Variants in APOBEC3D observed in about 807,000 individuals in gnomAD.
APOBEC3D encodes the protein DNA dC->dU-editing enzyme APOBEC-3D.
Under a neutral mutation model 45.6 loss-of-function variants are expected in APOBEC3D, and 37 were observed. The observed-to-expected ratio is 0.81, with a 90% CI of 0.62 to 1.07. APOBEC3D has a LOEUF of 1.07. APOBEC3D is among the 50% of genes least tolerant of loss of function. The pLI is 0.00. For missense variants in APOBEC3D, 496 were observed against 495.3 expected (o/e 1.00, Z -0.01); for synonymous variants, 175 against 180.7 (o/e 0.97, Z 0.25).
chr22:39,021,651 T>C (rs1925122676), intron 1 of APOBEC3D, 115 bp downstream of exon 1: 1 of 1,455,700 alleles, frequency 6.9e-7, no homozygotes, highest in Admixed American at 1.8e-5. Flanking sequence ...CTTCCTTCCC[T>C]CTGGCTTCCC....
chr22:39,025,228 C>T lies in APOBEC3D; in HGVS notation c.369C>T (p.His123=), dbSNP rs770471691. 9.9e-6 allele frequency: 16 copies of T among 1,614,070 alleles called. No individual in the cohort carries two copies. The highest frequency in any genetic ancestry group is 2.7e-5 in the African/African-American group (2 of 75,004). The change falls in exon 3 of 7, where the codon CAC becomes CAT. Residue 123 remains histidine (H), a synonymous_variant. Transcript: ENST00000216099. ...AGGTGACCAAATTCTTGGCTGAGCA[C>T]CCCAATGTCACCCTGACCATCTCTG... is the stretch of plus-strand genomic sequence containing the variant. ...VVKVTKFLAE[H]PNVTLTISAA...
At chr22:39,025,819 T>G in intron 4 of APOBEC3D, 148 bp downstream of exon 4, 1 of 1,483,016 alleles carries the variant, frequency 6.7e-7, no homozygotes, top group East Asian at 2.3e-5. Context: ...CTCCTCATGC[T>G]CCCTCCACCT....
At chr22:39,029,151 C>A (rs1925961651) in intron 4 of APOBEC3D, among the ~76,000 whole-genome samples, 1 of 152,110 alleles carries the variant, frequency 6.6e-6, no homozygotes, top group South Asian at 2.1e-4. Flanking sequence ...GCTGGGGTTC[C>A]AGCTAGGAGA....
At chr22:39,025,932 C>T (rs1925616861) in intron 4 of APOBEC3D, among the ~76,000 whole-genome samples, 1 of 152,198 alleles carries the variant, frequency 6.6e-6, no homozygotes, top group African/African-American at 2.4e-5. Flanking sequence ...TCCCCACAGC[C>T]TGGGAGCCCC....
chr22:39,026,338 G>A (rs1252217151), intron 4 of APOBEC3D, among the ~76,000 whole-genome samples: 1 of 152,154 alleles, frequency 6.6e-6, no homozygotes, highest in Non-Finnish European at 1.5e-5. Context: ...TGTCCTCCTT[G>A]TTTATGGACC....
intron 2 of APOBEC3D, among the ~76,000 whole-genome samples, chr22:39,023,445 C>CT (rs1324962669): frequency 7.7e-6 from 1 of 130,532 alleles, no homozygotes; most frequent in African/African-American, 2.6e-5. Context: ...TCTTTTCTTT[C>CT]TTTCTTTTTT....
At chr22:39,023,048 A>G (rs1925276125) in intron 2 of APOBEC3D, 34 bp downstream of exon 2, 9 of 1,497,944 alleles carry the variant, frequency 6.0e-6, no homozygotes, top group African/African-American at 1.4e-5. Flanking sequence ...ACACATAAGT[A>G]AAATGTCTGG....
At position 39,033,272 on chromosome 22, in the gene APOBEC3D, A is replaced by T. The variant is rs951371184; in HGVS notation, c.*956A>T. The T allele has an allele frequency of 2.0e-6, 2 of 977,990 alleles. No individual in the cohort carries two copies. The highest frequency in any genetic ancestry group is 3.5e-5 in the African/African-American group (2 of 57,104). 60.6% of individuals were successfully genotyped at this position (977,990 alleles called of 1,614,324 possible). ...ATGGATATGAATATATGTAAGTTGA[A>T]AACCAGTTTTGAGAAACATCCTTTG... is the stretch of plus-strand genomic sequence containing the variant. On this transcript the variant is annotated 3_prime_UTR_variant, in exon 7 of 7. Coordinates refer to ENST00000216099, the MANE Select transcript of APOBEC3D (RefSeq NM_152426.4).
At position 39,031,939 on chromosome 22, in the gene APOBEC3D, G is replaced by C; in HGVS notation, c.1008G>C (p.Gln336His). ...DYQEGLCSLS[Q>H]EGASVKIMGY... ...AGGAGGGGCTCTGCAGCCTGAGTCA[G>C]GAAGGGGCCTCCGTGAAGATCATGG... Residue 336 changes from glutamine (Q) to histidine (H), a missense_variant, in exon 6 of 7, where the codon CAG (glutamine) becomes CAC (histidine). Coordinates refer to ENST00000216099, the MANE Select transcript of APOBEC3D (RefSeq NM_152426.4). 6.2e-7 allele frequency: 1 copy of C among 1,614,208 alleles called. No individual in the cohort carries two copies. Among genetic ancestry groups the C allele is most frequent in the Non-Finnish European group, 8.5e-7 (1 of 1,180,050 alleles).
rs757818642 is a variant in APOBEC3D at position 39,025,360 on chromosome 22, C to T, written c.490+11C>T. 5 of 1,612,730 alleles carry T rather than the reference C, an allele frequency of 3.1e-6. No homozygotes were observed. The African/African-American group carries it at 6.7e-5, about 22-fold the overall frequency. On this transcript the variant is annotated intron_variant, in intron 3 of 6. Transcript: ENST00000216099. ...TCATGGACTATGAAGGTGAGAGGTG[C>T]AGGGGTCAGGGGAGCATGACGGGGA... is the stretch of plus-strand genomic sequence containing the variant.
Position 39,025,544 on chromosome 22 carries a change from C to T in APOBEC3D, c.491-13C>T, listed in dbSNP as rs776857077. On this transcript the variant is annotated splice_polypyrimidine_tract_variant and intron_variant, in intron 3 of 6. Transcript: ENST00000216099. The stretch of plus-strand genomic sequence containing the variant: ...AGGGGAGAGCCTGAGTGCTTCCCAC[C>T]TCTTCATCTCAGACTTTGCATACTG... The T allele has an allele frequency of 2.5e-6, 4 of 1,614,030 alleles. No individual in the cohort carries two copies. Among genetic ancestry groups the T allele is most frequent in the Non-Finnish European group, 3.4e-6 (4 of 1,180,016 alleles).
chr22:39,027,802 C>G (rs1925823727), intron 4 of APOBEC3D, among the ~76,000 whole-genome samples: 1 of 152,204 alleles, frequency 6.6e-6, no homozygotes, highest in African/African-American at 2.4e-5. Context: ...CTTTGCCCTG[C>G]TATGTGGTCG....
At chr22:39,025,792 A>G in intron 4 of APOBEC3D, 121 bp downstream of exon 4, 3 of 1,551,652 alleles carry the variant, frequency 1.9e-6, no homozygotes, top group South Asian at 2.4e-5. Context: ...CCTCATGGTT[A>G]CACCCCCTCA....
chr22:39,028,326 G>A (rs575414760), intron 4 of APOBEC3D, among the ~76,000 whole-genome samples: 3 of 152,342 alleles, frequency 2.0e-5, no homozygotes, highest in Admixed American at 6.5e-5. Context: ...CAGGGCCTGC[G>A]ATGCAGAGGC....
Position 39,025,489 on chromosome 22 carries a change from G to A in APOBEC3D, c.491-68G>A, listed in dbSNP as rs760781145. On this transcript the variant is annotated intron_variant, in intron 3 of 6. Coordinates refer to ENST00000216099, the MANE Select transcript of APOBEC3D (RefSeq NM_152426.4). ...CACTGATTGCAACTGACAGCCAGGAGACCAGGCCTGGGAGGGCAGGCCCAG... is the reference window on the plus strand; with the variant it reads ...CACTGATTGCAACTGACAGCCAGGAAACCAGGCCTGGGAGGGCAGGCCCAG... The A allele has an allele frequency of 8.1e-6, 13 of 1,613,890 alleles. No homozygotes were observed. The South Asian group carries it at 1.4e-4, about 18-fold the overall frequency.
chr22:39,023,958 A>T (rs1925381366), intron 2 of APOBEC3D, among the ~76,000 whole-genome samples: 1 of 151,506 alleles, frequency 6.6e-6, no homozygotes, highest in African/African-American at 2.4e-5. Flanking sequence ...GACTTTTCAG[A>T]GTGTGTTTGG....
rs749783130 is a variant in APOBEC3D at position 39,032,205 on chromosome 22, A to G, written c.1050A>G (p.Val350=). Reference sequence around the variant, plus strand: ...TCCTTGTTTTTTTCTCAGATTTTGTATCTTGTTGGAAAAACTTTGTGTACA... The same window carrying G: ...TCCTTGTTTTTTTCTCAGATTTTGTGTCTTGTTGGAAAAACTTTGTGTACA... ...SVKIMGYKDF[V]SCWKNFVYSD... The change falls in exon 7 of 7, where the codon GTA becomes GTG. Residue 350 remains valine, a synonymous_variant. Coordinates refer to ENST00000216099, the MANE Select transcript of APOBEC3D (RefSeq NM_152426.4). 6.2e-6 allele frequency: 10 copies of G among 1,613,666 alleles called. No homozygotes were observed. Among genetic ancestry groups the G allele is most frequent in the Admixed American group, 3.3e-5 (2 of 59,914 alleles).
At chr22:39,031,039 G>A (rs1926164304) in intron 5 of APOBEC3D, among the ~76,000 whole-genome samples, 3 of 152,206 alleles carry the variant, frequency 2.0e-5, no homozygotes, top group South Asian at 2.1e-4. Flanking sequence ...AGGAGTGCGC[G>A]ACTGTAATCC....
chr22:39,029,579 A>G (rs1926003816), intron 5 of APOBEC3D, 60 bp downstream of exon 5: 2 of 1,598,828 alleles, frequency 1.3e-6, no homozygotes, highest in South Asian at 2.2e-5. Flanking sequence ...AACGCAGAAA[A>G]CACAATACGT....
Sources: allele counts gnomAD v4.1 joint callset (sites outside exome capture counted in the v4.1 genomes callset), GRCh38; gene constraint gnomAD v4.1.1; transcripts MANE v1.5; gene names NCBI Gene and HGNC (gene_info 2026-07-23, HGNC 2026-07-21).